Variants in SASH1 observed in about 807,000 individuals in gnomAD.
SASH1 encodes the protein SAM and SH3 domain containing 1.
In SASH1, 44 loss-of-function variants were observed where a neutral mutation model predicts 125.2. That is an observed-to-expected ratio of 0.35 (90% CI 0.28 to 0.45). The LOEUF (loss-of-function observed/expected upper bound fraction) is 0.45, where lower values mean the gene tolerates loss of function less well. Among genes scored for constraint, SASH1 ranks in the 20% least tolerant of loss-of-function variants. The probability of loss-of-function intolerance (pLI) is 1.00; values close to 1 mark genes in which losing one functional copy is unlikely to be tolerated. For missense variants in SASH1, 1,426 were observed against 1,614.5 expected, an observed-to-expected ratio of 0.88 and a Z score of 2.00; for synonymous variants, 639 against 649.1, an observed-to-expected ratio of 0.98 and a Z score of 0.24.
the SASH1 span, among the ~76,000 whole-genome samples, chr6:148,259,269 T>C: frequency 1.3e-5 from 2 of 152,280 alleles, no homozygotes; most frequent in African/African-American, 4.8e-5. Flanking sequence ...AGGCATTCAG[T>C]GTGTCTAGAA....
At chr6:148,314,002 A>G (rs1250096931) in intron 1 of SASH1, among the ~76,000 whole-genome samples, 1 of 152,158 alleles carries the variant, frequency 6.6e-6, no homozygotes, top group Non-Finnish European at 1.5e-5. Context: ...CCAGATTTTC[A>G]TAAGCAAGTC....
chr6:148,261,837 G>A, the SASH1 span, among the ~76,000 whole-genome samples: 1 of 152,176 alleles, frequency 6.6e-6, no homozygotes, highest in African/African-American at 2.4e-5. Context: ...ATAAGAGAAA[G>A]GAGGAAGTGA....
intron 1 of SASH1, among the ~76,000 whole-genome samples, chr6:148,373,944 C>T (rs906054149): frequency 6.6e-6 from 1 of 152,214 alleles, no homozygotes; most frequent in Non-Finnish European, 1.5e-5. Context: ...TTGTACTCTG[C>T]ACTCCAGCCT....
At chr6:148,508,143 A>G (rs1262690267) in intron 8 of SASH1, among the ~76,000 whole-genome samples, 1 of 152,222 alleles carries the variant, frequency 6.6e-6, no homozygotes, top group Non-Finnish European at 1.5e-5. Flanking sequence ...AGAAGCACCA[A>G]TGAAGGGGAA....
At chr6:148,443,036 A>G (rs140963939) in intron 4 of SASH1, among the ~76,000 whole-genome samples, 40 of 151,746 alleles carry the variant, frequency 2.6e-4, no homozygotes, top group African/African-American at 8.2e-4. Context: ...TCAGCCTCCC[A>G]AAGTGCTGGG....
intron 1 of SASH1, among the ~76,000 whole-genome samples, chr6:148,323,913 T>C (rs1780719837): frequency 6.6e-6 from 1 of 151,352 alleles, no homozygotes; most frequent in African/African-American, 2.4e-5. Context: ...GATCACGAGG[T>C]CAGGAGATCG....
intron 8 of SASH1, among the ~76,000 whole-genome samples, chr6:148,497,250 C>CATTGCTTATAACCAT (rs1407919749): frequency 1.3e-4 from 20 of 152,276 alleles, no homozygotes; most frequent in Admixed American, 4.6e-4. Flanking sequence ...TATAAGCTGC[C>CATTGCTTATAACCAT]CAGGAGCCAT....
chr6:148,317,430 T>G (rs1016438771), intron 1 of SASH1, among the ~76,000 whole-genome samples: 3 of 152,208 alleles, frequency 2.0e-5, no homozygotes, highest in African/African-American at 4.8e-5. Flanking sequence ...AAAAATTTTT[T>G]TTGTTGTTTT....
the SASH1 span, among the ~76,000 whole-genome samples, chr6:148,209,112 A>T: frequency 1.3e-5 from 2 of 152,228 alleles, no homozygotes; most frequent in Non-Finnish European, 1.5e-5. Context: ...ATTGATACAC[A>T]TGCATATTTC....
intron 8 of SASH1, among the ~76,000 whole-genome samples, chr6:148,505,761 C>T (rs1276996631): frequency 1.3e-5 from 2 of 152,106 alleles, no homozygotes; most frequent in Non-Finnish European, 2.9e-5. Context: ...CTTCAGCCCC[C>T]TGGGTAGCTG....
At chr6:148,302,111 C>T (rs545894704) in intron 1 of SASH1, among the ~76,000 whole-genome samples, 7 of 149,426 alleles carry the variant, frequency 4.7e-5, no homozygotes, top group African/African-American at 1.5e-4. Flanking sequence ...ATCAGGAGAT[C>T]GAGACCATCC....
chr6:148,344,799 A>G (rs1781467753), intron 1 of SASH1, among the ~76,000 whole-genome samples: 1 of 146,766 alleles, frequency 6.8e-6, no homozygotes, highest in Non-Finnish European at 1.5e-5. Flanking sequence ...TCCGTCGCCC[A>G]GGCTGGGGTG....
At chr6:148,439,492 A>T (rs1776451614) in intron 2 of SASH1, among the ~76,000 whole-genome samples, 1 of 152,162 alleles carries the variant, frequency 6.6e-6, no homozygotes, top group Non-Finnish European at 1.5e-5. Flanking sequence ...TTAAAATTGG[A>T]TTGGGGCTGG....
At chr6:148,198,474 G>C in the SASH1 span, among the ~76,000 whole-genome samples, 2 of 152,156 alleles carry the variant, frequency 1.3e-5, no homozygotes, top group Admixed American at 6.5e-5. Flanking sequence ...GCATACTTCA[G>C]GTCAAGATGA....
the SASH1 span, among the ~76,000 whole-genome samples, chr6:148,207,406 C>T: frequency 2.0e-5 from 3 of 152,344 alleles, no homozygotes; most frequent in East Asian, 5.8e-4. Context: ...GTGAGTTAGA[C>T]TGATGACTGT....
At chr6:148,421,146 GAAGAAAGA>G (rs751049278) in intron 2 of SASH1, among the ~76,000 whole-genome samples, 1,914 of 70,716 alleles carry the variant, frequency 0.027, 38 homozygotes, top group East Asian at 0.063. Context: ...AGGAAGGAAG[GAAGAAAGA>G]AAGAAAGAAA....
At chr6:148,327,323 C>G (rs1207290464) in intron 1 of SASH1, among the ~76,000 whole-genome samples, 1 of 148,696 alleles carries the variant, frequency 6.7e-6, no homozygotes. Flanking sequence ...CTCGCTCTGT[C>G]GCCCAGGCTA....
At chr6:148,205,699 A>C in the SASH1 span, among the ~76,000 whole-genome samples, 1 of 152,196 alleles carries the variant, frequency 6.6e-6, no homozygotes, top group South Asian at 2.1e-4. Context: ...ACCAACAGGT[A>C]GTCATCACAA....
rs1777866679 is a variant in SASH1 at position 148,466,975 on chromosome 6, G to A, written c.387-1570G>A. 2.0e-5 allele frequency among the ~76,000 whole-genome samples: 3 copies of A among 151,954 alleles called. No individual in the cohort carries two copies. The South Asian group carries it at 6.2e-4, about 32-fold the overall frequency. On this transcript the variant is annotated intron_variant, in intron 4 of 19. Transcript: ENST00000367467. ...AGTGTCTGTGTCTCTTCTGATGCAG[G>A]TGCCTTCTTTCTGGTTTCCCTTGGC...
Sources: gnomAD v4.1 joint callset for allele counts (sites outside exome capture counted in the v4.1 genomes callset) on GRCh38, gnomAD v4.1.1 for gene constraint, MANE v1.5 for transcripts, NCBI Gene and HGNC (gene_info 2026-07-23, HGNC 2026-07-21) for gene names.